ZMIZ1: variants seen among roughly 807,000 people sequenced by gnomAD.
ZMIZ1 encodes zinc finger MIZ domain-containing protein 1.
Under a neutral mutation model 113.9 loss-of-function variants are expected in ZMIZ1, and 17 were observed. The observed-to-expected ratio is 0.15, with a 90% CI of 0.10 to 0.22. ZMIZ1 has a LOEUF of 0.22. Ranked by LOEUF, ZMIZ1 falls within the 10% of genes least tolerant of loss-of-function variation. The probability of loss-of-function intolerance (pLI) is 1.00; values close to 1 mark genes in which losing one functional copy is unlikely to be tolerated. For synonymous variants in ZMIZ1, 607 were observed against 603.1 expected (o/e 1.01, Z -0.09); for missense variants, 1,059 against 1,477.8 (o/e 0.72, Z 4.65).
At position 79,291,171 on chromosome 10, in the gene ZMIZ1, G is replaced by T. The variant is rs1228725839; in HGVS notation, c.753G>T (p.Gly251=). 6.2e-7 allele frequency: 1 copy of T among 1,609,758 alleles called. No individual in the cohort carries two copies. The highest frequency in any genetic ancestry group is 8.5e-7 in the Non-Finnish European group (1 of 1,177,164). Residue 251 remains glycine, a synonymous_variant, in exon 10 of 25, where the codon GGG becomes GGT. Coordinates refer to ENST00000334512, the MANE Select transcript of ZMIZ1 (RefSeq NM_020338.4). ...RPNYPGSGGF[G]ASYPGGPNAP... ...ACTACCCCGGCAGCGGGGGCTTTGG[G>T]GCCAGGTGAGCAGGGCTGACCTGTG...
intron 2 of ZMIZ1, among the ~76,000 whole-genome samples, chr10:79,138,653 C>T (rs1343847282): frequency 6.6e-6 from 1 of 152,218 alleles, no homozygotes; most frequent in African/African-American, 2.4e-5. Flanking sequence ...CATCAGCCAG[C>T]CCGCCCCTCC....
At chr10:79,122,318 G>A (rs750618415) in intron 2 of ZMIZ1, among the ~76,000 whole-genome samples, 2 of 152,072 alleles carry the variant, frequency 1.3e-5, no homozygotes, top group African/African-American at 2.4e-5. Context: ...AGCTTTGGCC[G>A]GGGTGGAGTG....
At chr10:79,266,073 A>T (rs1400259162) in intron 7 of ZMIZ1, among the ~76,000 whole-genome samples, 1 of 152,176 alleles carries the variant, frequency 6.6e-6, no homozygotes, top group African/African-American at 2.4e-5. Context: ...GAGAAACGTG[A>T]CCCCACTTGG....
At chr10:79,115,944 G>A (rs980882778) in intron 1 of ZMIZ1, among the ~76,000 whole-genome samples, 26 of 152,230 alleles carry the variant, frequency 1.7e-4, no homozygotes, top group Non-Finnish European at 3.1e-4. Flanking sequence ...TGTCTGCCTA[G>A]CAGTTTCCAT....
chr10:79,311,030 C>G lies in ZMIZ1; in HGVS notation c.2942C>G (p.Ala981Gly), dbSNP rs201441910. ...GGGCCTCCATTACATCACAGTGGGG[C>G]TCCTCCTCCTCCTCCTTCCCAGCCT... Reference protein sequence around the residue: ...QSGPPLHHSGAPPPPPSQPPR... With the variant: ...QSGPPLHHSGGPPPPPSQPPR... Residue 981 changes from alanine (A) to glycine (G), a missense_variant, in exon 24 of 25, where the codon GCT (alanine) becomes GGT (glycine). Ala to Gly is a moderately conservative substitution (Grantham distance 60). Transcript: ENST00000334512. 6.8e-6 allele frequency: 11 copies of G among 1,610,074 alleles called. No homozygotes were observed. The highest frequency in any genetic ancestry group is 9.3e-6 in the Non-Finnish European group (11 of 1,178,068).
Position 79,312,950 on chromosome 10 carries a change from G to C in ZMIZ1, c.*201G>C. On this transcript the variant is annotated 3_prime_UTR_variant, in exon 25 of 25. Coordinates refer to ENST00000334512, the MANE Select transcript of ZMIZ1 (RefSeq NM_020338.4). Reference sequence around the variant, plus strand: ...ACCAGTGCACCAGGAAGGCTGTGTGGGTCTGGAGCCCACGTCCCACCTCCA... The same window carrying C: ...ACCAGTGCACCAGGAAGGCTGTGTGCGTCTGGAGCCCACGTCCCACCTCCA... 1 of 587,168 alleles carries C rather than the reference G, an allele frequency of 1.7e-6. No homozygotes were observed. Among genetic ancestry groups the C allele is most frequent in the Non-Finnish European group, 3.0e-6 (1 of 330,856 alleles). 36.4% of individuals were successfully genotyped at this position (587,168 alleles called of 1,614,324 possible).
At chr10:79,220,527 C>A (rs746937983) in intron 7 of ZMIZ1, among the ~76,000 whole-genome samples, 9 of 152,202 alleles carry the variant, frequency 5.9e-5, no homozygotes, top group Non-Finnish European at 1.3e-4. Flanking sequence ...AGCCCCCAAG[C>A]CCCTTCAGCC....
intron 19 of ZMIZ1, 130 bp from the exon 20 acceptor site, chr10:79,305,034 C>A: frequency 2.0e-6 from 2 of 1,001,186 alleles, no homozygotes; most frequent in African/African-American, 1.6e-5. Context: ...TTCCACCCAG[C>A]CCCAGCCCGG....
intron 1 of ZMIZ1, among the ~76,000 whole-genome samples, chr10:79,109,860 C>T (rs919372980): frequency 1.3e-5 from 2 of 152,268 alleles, no homozygotes; most frequent in African/African-American, 4.8e-5. Flanking sequence ...GGTGCAGAAA[C>T]TGCTAGAGAA....
At chr10:79,295,683 T>C (rs1466852468) in intron 12 of ZMIZ1, 1 of 152,208 alleles carries the variant, frequency 6.6e-6, no homozygotes, top group African/African-American at 2.4e-5. Context: ...AAGTCCATCA[T>C]TCGTTTGTTG....
At chr10:79,103,574 G>A (rs1843445703) in intron 1 of ZMIZ1, among the ~76,000 whole-genome samples, 1 of 151,994 alleles carries the variant, frequency 6.6e-6, no homozygotes, top group South Asian at 2.1e-4. Context: ...GGCGGAGGGA[G>A]AACAGGATCT....
intron 7 of ZMIZ1, 35 bp downstream of exon 7, chr10:79,216,309 G>A: frequency 6.5e-7 from 1 of 1,545,426 alleles, no homozygotes; most frequent in Non-Finnish European, 8.8e-7. Context: ...GATGTCACTG[G>A]GAGGTGGGGA....
chr10:79,168,817 G>A (rs1329852632), intron 4 of ZMIZ1, among the ~76,000 whole-genome samples: 2 of 152,196 alleles, frequency 1.3e-5, no homozygotes, highest in Admixed American at 6.5e-5. Flanking sequence ...ACCCCCACAG[G>A]TGTCCGTCCA....
chr10:79,277,117 G>A lies in ZMIZ1; in HGVS notation c.281-64G>A. ...GCACCCAGTCTGGGGAGAGTTGGGG[G>A]GGGGTCTTGGTGTGGCAGAGCATGA... On this transcript the variant is annotated intron_variant, in intron 7 of 24. Transcript: ENST00000334512. 2.8e-6 allele frequency: 4 copies of A among 1,446,630 alleles called. No homozygotes were observed. The South Asian group carries it at 4.6e-5, about 17-fold the overall frequency. The allele number at this position is 1,446,630 out of a possible 1,614,324, so 89.6% of individuals were successfully genotyped here.
At chr10:79,179,398 T>A (rs1354535609) in intron 4 of ZMIZ1, among the ~76,000 whole-genome samples, 1 of 152,054 alleles carries the variant, frequency 6.6e-6, no homozygotes, top group East Asian at 1.9e-4. Flanking sequence ...GTAAGAGAGG[T>A]GAGGTAACTA....
intron 5 of ZMIZ1, among the ~76,000 whole-genome samples, chr10:79,206,840 C>G (rs1331239439): frequency 2.6e-5 from 4 of 152,208 alleles, no homozygotes; most frequent in Admixed American, 1.3e-4. Context: ...TCTTTCTCTC[C>G]TACATCTCTT....
chr10:79,300,889 G>A lies in ZMIZ1; in HGVS notation c.1966G>A (p.Val656Met). ...CCACAAGCCCCTGCACCTGAAGCAC[G>A]TGTGCCAGCCGGGCCGCAACACCAT... is the stretch of plus-strand genomic sequence containing the variant. ...TSHKPLHLKH[V>M]CQPGRNTIQI... Residue 656 changes from valine (V) to methionine (M), a missense_variant, in exon 17 of 25, where the codon GTG becomes ATG. Physicochemically the swap from Val to Met is conservative, Grantham distance 21. Around this residue, in one of 6 missense-constraint regions of ZMIZ1, gnomAD observed 217 missense variants for 426.9 expected, o/e 0.51. Transcript: ENST00000334512. 6 of 1,613,042 alleles carry A rather than the reference G, an allele frequency of 3.7e-6. No homozygotes were observed. The highest frequency in any genetic ancestry group is 1.1e-5 in the South Asian group (1 of 91,082).
At chr10:79,169,953 A>T (rs571435851) in intron 4 of ZMIZ1, among the ~76,000 whole-genome samples, 3 of 152,180 alleles carry the variant, frequency 2.0e-5, no homozygotes, top group Admixed American at 6.5e-5. Context: ...CTCTCCAGAG[A>T]CAATGGACCC....
intron 7 of ZMIZ1, among the ~76,000 whole-genome samples, chr10:79,253,041 C>T (rs1279705686): frequency 6.6e-6 from 1 of 152,134 alleles, no homozygotes; most frequent in Admixed American, 6.5e-5. Flanking sequence ...CATCCCCTCC[C>T]CTCTGGGAGC....
Sources: gnomAD v4.1 joint callset for allele counts (sites outside exome capture counted in the v4.1 genomes callset) on GRCh38, gnomAD v4.1.1 for gene constraint, gnomAD v4.1.1 regional missense constraint, MANE v1.5 for transcripts, NCBI Gene and HGNC (gene_info 2026-07-23, HGNC 2026-07-21) for gene names.